Variants in AP4E1 observed in about 807,000 individuals in gnomAD.
AP4E1 encodes AP-4 complex subunit epsilon-1.
A neutral mutation model predicts 128.2 loss-of-function variants in AP4E1; 56 were observed. That is an observed-to-expected ratio of 0.44 (90% CI 0.35 to 0.55). The LOEUF is 0.55. Among genes scored for constraint, AP4E1 ranks in the 20% least tolerant of loss-of-function variants. The pLI is 0.00. For missense variants in AP4E1, 1,324 were observed against 1,307.7 expected, an observed-to-expected ratio of 1.01 and a Z score of -0.19; for synonymous variants, 484 against 473.1, an observed-to-expected ratio of 1.02 and a Z score of -0.30.
chr15:50,963,586 T>A (rs957256301), intron 14 of AP4E1, among the ~76,000 whole-genome samples: 1 of 152,092 alleles, frequency 6.6e-6, no homozygotes, highest in Non-Finnish European at 1.5e-5. Context: ...GGAAGAAGAA[T>A]TGTTGGTTAA....
chr15:50,949,692 C>G, intron 11 of AP4E1, 134 bp from the exon 12 acceptor site: 1 of 715,544 alleles, frequency 1.4e-6, no homozygotes, highest in Non-Finnish European at 2.5e-6. Context: ...GGGTACAGAA[C>G]AATTTATGGC....
chr15:50,953,062 G>GA (rs1225954612), intron 13 of AP4E1, among the ~76,000 whole-genome samples: 1 of 151,640 alleles, frequency 6.6e-6, no homozygotes, highest in Non-Finnish European at 1.5e-5. Flanking sequence ...ACCAAAGGGA[G>GA]AAAAAAAAGA....
Position 50,925,234 on chromosome 15 carries a change from T to G in AP4E1, c.542+15T>G, listed in dbSNP as rs748477356. 6.2e-7 allele frequency: 1 copy of G among 1,610,286 alleles called. No individual in the cohort carries two copies. The highest frequency in any genetic ancestry group is 8.5e-7 in the Non-Finnish European group (1 of 1,176,900). On this transcript the variant is annotated intron_variant, in intron 5 of 20. Coordinates refer to ENST00000261842, the MANE Select transcript of AP4E1 (RefSeq NM_007347.5). ...CAACATTCTAAGTAAGTAAATTCTT[T>G]TGGGATAGGCATCTATGCCATATAT... is the stretch of plus-strand genomic sequence containing the variant.
At chr15:50,992,593 A>G (rs991223321) in intron 16 of AP4E1, among the ~76,000 whole-genome samples, 4 of 152,188 alleles carry the variant, frequency 2.6e-5, no homozygotes, top group African/African-American at 9.6e-5. Context: ...TTAACTGCCT[A>G]GATGCCTTGT....
At chr15:50,983,750 GT>G (rs912454142) in intron 15 of AP4E1, among the ~76,000 whole-genome samples, 4 of 151,078 alleles carry the variant, frequency 2.6e-5, no homozygotes, top group Non-Finnish European at 3.0e-5. Context: ...TCCTAATTGA[GT>G]TTTTTTTTAG....
intron 16 of AP4E1, among the ~76,000 whole-genome samples, chr15:50,984,371 A>T (rs1458719093): frequency 6.6e-6 from 1 of 151,948 alleles, no homozygotes. Context: ...TTTGTTACAT[A>T]TGTATACATG....
At chr15:50,945,820 A>G (rs2064054295) in intron 10 of AP4E1, 1 of 774,652 alleles carries the variant, frequency 1.3e-6, no homozygotes, top group Non-Finnish European at 2.4e-6. Flanking sequence ...TCATCCTGAT[A>G]TAAAATGTAT....
chr15:50,989,679 T>C (rs2064777879), intron 16 of AP4E1, among the ~76,000 whole-genome samples: 1 of 152,082 alleles, frequency 6.6e-6, no homozygotes, highest in Admixed American at 6.6e-5. Context: ...GGGAGGAACT[T>C]ACACACTTTT....
At chr15:50,965,740 T>C (rs759143090) in intron 14 of AP4E1, among the ~76,000 whole-genome samples, 147 of 152,278 alleles carry the variant, frequency 9.7e-4, no homozygotes, top group Middle Eastern at 3.4e-3. Context: ...TCCAAAAAAG[T>C]GGTTTTCCCT....
intron 11 of AP4E1, 123 bp downstream of exon 11, chr15:50,948,282 G>T: frequency 2.6e-6 from 3 of 1,169,328 alleles, no homozygotes; most frequent in East Asian, 2.8e-5. Context: ...TTTTATTCCT[G>T]ATTTTCAAGC....
At position 50,941,491 on chromosome 15, in the gene AP4E1, G is replaced by A. The variant is rs375826718; in HGVS notation, c.993G>A (p.Ser331=). The change falls in exon 9 of 21, where the codon TCG becomes TCA. Residue 331 remains serine, a synonymous_variant. Coordinates refer to ENST00000261842, the MANE Select transcript of AP4E1 (RefSeq NM_007347.5). ...VHTVYSIYPK[S]ELLEKAAKCI... is the part of the protein sequence containing the mutation. ...CAGTCTATTCTATTTATCCTAAATC[G>A]GAATTACTTGAGAAGGCTGCCAAGT... 3.8e-5 allele frequency: 62 copies of A among 1,612,724 alleles called. No homozygotes were observed. The highest frequency in any genetic ancestry group is 4.8e-5 in the Non-Finnish European group (57 of 1,179,406).
intron 16 of AP4E1, among the ~76,000 whole-genome samples, chr15:50,984,538 A>G (rs1441479004): frequency 7.3e-6 from 1 of 137,160 alleles, no homozygotes; most frequent in Non-Finnish European, 1.5e-5. Context: ...ATTCCCACCT[A>G]TGAGTGAGAA....
rs1596489137 is a variant in AP4E1, at chr15:50,964,900, T to TAG, written c.1852-3358_1852-3357dup. On this transcript the variant is annotated intron_variant, in intron 14 of 20. Transcript: ENST00000261842. ...TCATGGCTTGGTGCTGTCCTCGTGA[T>TAG]AGAGAGTGAGTTCTTGAGAGATCTG... 2.0e-5 allele frequency among the ~76,000 whole-genome samples: 3 copies of TAG among 149,614 alleles called. No homozygotes were observed. In the Admixed American group the frequency reaches 2.0e-4, roughly 10 times the overall value.
rs1214369991 is a variant in AP4E1, at chr15:51,002,762, G to A, written c.*100G>A. Reference sequence around the variant, plus strand: ...AACTCATGGTACTTCTAATGAAAATGGGGATTATTACAAGTGTGGTTTATA... The same window carrying A: ...AACTCATGGTACTTCTAATGAAAATAGGGATTATTACAAGTGTGGTTTATA... On this transcript the variant is annotated 3_prime_UTR_variant, in exon 21 of 21. Transcript: ENST00000261842. 2 of 1,402,518 alleles carry A rather than the reference G, an allele frequency of 1.4e-6. No homozygotes were observed. The highest frequency in any genetic ancestry group is 2.0e-6 in the Non-Finnish European group (2 of 1,010,230). The allele number at this position is 1,402,518 out of a possible 1,614,324, so 86.9% of individuals were successfully genotyped here. A position where few individuals can be genotyped will look rare whatever the true frequency, so the allele number is the denominator to read the frequency against.
intron 6 of AP4E1, among the ~76,000 whole-genome samples, 197 bp downstream of exon 6, chr15:50,929,365 T>A (rs79580555): frequency 2.0e-5 from 3 of 152,164 alleles, no homozygotes; most frequent in East Asian, 1.9e-4. Context: ...TTTTTTTTTT[T>A]AATGCCTAAA....
intron 13 of AP4E1, among the ~76,000 whole-genome samples, chr15:50,951,414 A>C (rs1174485551): frequency 6.6e-6 from 1 of 151,764 alleles, no homozygotes; most frequent in Non-Finnish European, 1.5e-5. Flanking sequence ...CAAAGCCAGT[A>C]GTGGAGATCA....
At position 50,925,153 on chromosome 15, in the gene AP4E1, A is replaced by G; in HGVS notation, c.476A>G (p.Gln159Arg). ...TGTATGGCACTGACTGTTGTTAGCC[A>G]GATTTTCCCCTGCGAAATGATTCCA... The part of the protein sequence containing the change: ...EVCMALTVVS[Q>R]IFPCEMIPAV... The change falls in exon 5 of 21, where the codon CAG (glutamine) becomes CGG (arginine). Residue 159 changes from glutamine to arginine, a missense_variant. Transcript: ENST00000261842. 6.2e-7 allele frequency: 1 copy of G among 1,614,032 alleles called. No homozygotes were observed. The highest frequency in any genetic ancestry group is 8.5e-7 in the Non-Finnish European group (1 of 1,179,894).
At position 50,908,891 on chromosome 15, in the gene AP4E1, G is replaced by A. The variant is rs746511128; in HGVS notation, c.113G>A (p.Ser38Asn). ...AKASFSSRLG[S>N]LVRGITALTS... Reference sequence around the variant, plus strand: ...GCGTCCTTCTCCTCGAGGCTGGGCAGCCTTGTCCGCGGCATCACAGCCCTC... The same window carrying A: ...GCGTCCTTCTCCTCGAGGCTGGGCAACCTTGTCCGCGGCATCACAGCCCTC... The change falls in exon 1 of 21, where the codon AGC becomes AAC. Residue 38 changes from serine (S) to asparagine (N), a missense_variant. Ser to Asn is a conservative substitution (Grantham distance 46). Transcript: ENST00000261842. The A allele has an allele frequency of 6.2e-7, 1 of 1,610,570 alleles. No homozygotes were observed. The highest frequency in any genetic ancestry group is 8.5e-7 in the Non-Finnish European group (1 of 1,179,326).
At chr15:50,951,230 G>A (rs1364475965) in intron 13 of AP4E1, among the ~76,000 whole-genome samples, 3 of 152,210 alleles carry the variant, frequency 2.0e-5, no homozygotes, top group Admixed American at 6.5e-5. Flanking sequence ...AGCTTGACTG[G>A]TAAATAATCC....
Sources: allele counts gnomAD v4.1 joint callset (sites outside exome capture counted in the v4.1 genomes callset), GRCh38; gene constraint gnomAD v4.1.1; transcripts MANE v1.5; gene names NCBI Gene and HGNC (gene_info 2026-07-23, HGNC 2026-07-21).